Variants in NMUR2 observed in about 807,000 individuals in gnomAD.
NMUR2 encodes the protein neuromedin-U receptor 2.
In NMUR2, 24 loss-of-function variants were observed where a neutral mutation model predicts 25.1. That is an observed-to-expected ratio of 0.96 (90% CI 0.69 to 1.34). The LOEUF (loss-of-function observed/expected upper bound fraction) is 1.34. Ranked by LOEUF, NMUR2 falls within the 40% of genes most tolerant of loss-of-function variation. NMUR2 has a pLI of 0.00. For synonymous variants in NMUR2, 218 were observed against 208.1 expected (o/e 1.05, Z -0.41); for missense variants, 533 against 512.8 (o/e 1.04, Z -0.38).
At chr5:152,402,151 A>G (rs2113102473) in intron 1 of NMUR2, among the ~76,000 whole-genome samples, 1 of 152,244 alleles carries the variant, frequency 6.6e-6, no homozygotes, top group East Asian at 1.9e-4. Flanking sequence ...GAGTACCTAC[A>G]ACAGGAAACA....
At chr5:152,403,649 C>T (rs1319078687) in intron 1 of NMUR2, among the ~76,000 whole-genome samples, 2 of 149,434 alleles carry the variant, frequency 1.3e-5, no homozygotes, top group Non-Finnish European at 3.0e-5. Flanking sequence ...TCTCAATCTG[C>T]ACCTGCTCAA....
At position 152,395,456 on chromosome 5, in the gene NMUR2, T is replaced by C. The variant is rs771904883; in HGVS notation, c.937+3A>G. 3 of 1,613,444 alleles carry C rather than the reference T, an allele frequency of 1.9e-6. No homozygotes were observed. Among genetic ancestry groups the C allele is most frequent in the Admixed American group, 1.7e-5 (1 of 59,962 alleles). ...CATGCACCAAATCCAGCTAAGGTTT[T>C]ACCTGACACCACATGGACGAGGTTG... On this transcript the variant is annotated splice_donor_region_variant and intron_variant, in intron 3 of 3. Transcript: ENST00000255262.
At chr5:152,395,363 G>C in intron 3 of NMUR2, 96 bp downstream of exon 3, 1 of 1,361,842 alleles carries the variant, frequency 7.3e-7, no homozygotes, top group Non-Finnish European at 1.0e-6. Context: ...GCAGATCCCC[G>C]TGATAAATTG....
At chr5:152,401,953 G>A (rs1421853612) in intron 1 of NMUR2, among the ~76,000 whole-genome samples, 2 of 152,144 alleles carry the variant, frequency 1.3e-5, no homozygotes, top group African/African-American at 4.8e-5. Flanking sequence ...GATTGCTTGG[G>A]TCTCCTTGAG....
intron 1 of NMUR2, among the ~76,000 whole-genome samples, chr5:152,399,654 A>G (rs1753221156): frequency 6.6e-6 from 1 of 152,174 alleles, no homozygotes; most frequent in Admixed American, 6.5e-5. Flanking sequence ...AAAGAAACAG[A>G]AATAAAGTTA....
intron 1 of NMUR2, among the ~76,000 whole-genome samples, chr5:152,401,705 A>G (rs1381763443): frequency 6.6e-6 from 1 of 152,142 alleles, no homozygotes; most frequent in Non-Finnish European, 1.5e-5. Context: ...TTGCCCTAGA[A>G]TTGTCTATTT....
chr5:152,400,527 C>A (rs1192192645), intron 1 of NMUR2, among the ~76,000 whole-genome samples: 2 of 151,824 alleles, frequency 1.3e-5, no homozygotes, highest in African/African-American at 4.8e-5. Context: ...TCTAGAAATT[C>A]TTTTCTCATG....
Position 152,405,169 on chromosome 5 carries a change from G to GTA in NMUR2, c.-57_-56insTA. ...CGAGGCTCTGTTTCAAGCTGAGCCA[G>GTA]GAAAAAAAAAAAAAAAAGAAAAAAG... On this transcript the variant is annotated 5_prime_UTR_variant, in exon 1 of 4. Transcript: ENST00000255262. 1 of 1,202,274 alleles carries GTA rather than the reference G, an allele frequency of 8.3e-7. No homozygotes were observed. Among genetic ancestry groups the GTA allele is most frequent in the Non-Finnish European group, 1.1e-6 (1 of 919,344 alleles). 74.5% of individuals were successfully genotyped at this position (1,202,274 alleles called of 1,614,324 possible).
chr5:152,401,836 G>A (rs1162710997), intron 1 of NMUR2, among the ~76,000 whole-genome samples: 2 of 152,150 alleles, frequency 1.3e-5, no homozygotes, highest in East Asian at 3.8e-4. Flanking sequence ...TTCTTCTCTG[G>A]TCCTGTGATT....
At position 152,404,537 on chromosome 5, in the gene NMUR2, G is replaced by T; in HGVS notation, c.577C>A (p.Pro193Thr). The change falls in exon 1 of 4, where the codon CCC becomes ACC. Residue 193 changes from proline to threonine, a missense_variant. Coordinates refer to ENST00000255262, the MANE Select transcript of NMUR2 (RefSeq NM_020167.5). ...GAACCTGGGACCAGGGACCCATTGG[G>T]GAAGTAGTGGAACTTGATGCCATGG... ...SIHGIKFHYF[P>T]NGSLVPGSAT... 1.2e-6 allele frequency: 2 copies of T among 1,614,124 alleles called. No individual in the cohort carries two copies. Among genetic ancestry groups the T allele is most frequent in the Non-Finnish European group, 8.5e-7 (1 of 1,180,022 alleles).
chr5:152,398,564 C>G (rs911734357), intron 1 of NMUR2, among the ~76,000 whole-genome samples: 2 of 152,128 alleles, frequency 1.3e-5, no homozygotes, highest in Non-Finnish European at 2.9e-5. Context: ...AAAACCAAAA[C>G]AGGAATTCTT....
chr5:152,395,676 G>C (rs910884358), intron 2 of NMUR2, 92 bp from the exon 3 acceptor site: 1 of 1,449,890 alleles, frequency 6.9e-7, no homozygotes, highest in African/African-American at 1.4e-5. Flanking sequence ...TCTTCTGGCA[G>C]TTTTTCCCTT....
chr5:152,404,601 C>A lies in NMUR2; in HGVS notation c.513G>T (p.Trp171Cys), dbSNP rs1753318184. The change falls in exon 1 of 4, where the codon TGG becomes TGT. Residue 171 changes from tryptophan to cysteine, a missense_variant. Transcript: ENST00000255262. ...RRALRILGIVWGFSVLFSLPN... is the reference protein window; with the variant it reads ...RRALRILGIVCGFSVLFSLPN... ...GCAGGGAGAAGAGCACGGAGAAGCCCCAGACGATGCCGAGGATCCTGAGGG... is the reference window on the plus strand; with the variant it reads ...GCAGGGAGAAGAGCACGGAGAAGCCACAGACGATGCCGAGGATCCTGAGGG... The A allele has an allele frequency of 1.1e-5, 17 of 1,614,098 alleles. No homozygotes were observed. The highest frequency in any genetic ancestry group is 1.4e-5 in the Non-Finnish European group (16 of 1,180,028).
In NMUR2 at chr5:152,405,150, T is replaced by G; in HGVS notation, c.-37A>C. 1 of 1,520,336 alleles carries G rather than the reference T, an allele frequency of 6.6e-7. No individual in the cohort carries two copies. Among genetic ancestry groups the G allele is most frequent in the Non-Finnish European group, 8.8e-7 (1 of 1,134,980 alleles). The allele number at this position is 1,520,336 out of a possible 1,614,324, so 94.2% of individuals were successfully genotyped here. ...GCCTGAGCCTCCCCTGGTACGAGGC[T>G]CTGTTTCAAGCTGAGCCAGGAAAAA... On this transcript the variant is annotated 5_prime_UTR_variant, in exon 1 of 4. Transcript: ENST00000255262.
At position 152,398,104 on chromosome 5, in the gene NMUR2, GCATTCCCTT is replaced by G; in HGVS notation, c.758_766del (p.Glu253_Asn255del). On this transcript the variant is annotated inframe_deletion, in exon 2 of 4. Transcript: ENST00000255262. ...TTTTCTGCAGGGTCTTTGAATATTT[GCATTCCCTT>G]CATCTGCCTCAAGAGATTTGTCTTT... The G allele has an allele frequency of 6.2e-7, 1 of 1,613,334 alleles. No individual in the cohort carries two copies. The highest frequency in any genetic ancestry group is 8.5e-7 in the Non-Finnish European group (1 of 1,179,518).
At chr5:152,403,171 C>T (rs1753288267) in intron 1 of NMUR2, among the ~76,000 whole-genome samples, 1 of 151,984 alleles carries the variant, frequency 6.6e-6, no homozygotes, top group South Asian at 2.1e-4. Context: ...GAATAATAGA[C>T]TGTTAGAGCT....
rs368042517 is a variant in NMUR2, at chr5:152,404,641, C to T, written c.473G>A (p.Ser158Asn). 1 of 1,614,132 alleles carries T rather than the reference C, an allele frequency of 6.2e-7. No individual in the cohort carries two copies. The highest frequency in any genetic ancestry group is 1.1e-5 in the South Asian group (1 of 91,082). Residue 158 changes from serine (S) to asparagine (N), a missense_variant, in exon 1 of 4, where the codon AGC becomes AAC. By Grantham distance (46) the Ser-to-Asn change is conservative. Transcript: ENST00000255262. ...ILHPFRAKLQ[S>N]TRRRALRILG... ...GATCCTGAGGGCCCGGCGCCGGGTG[C>T]TCTGCAGTTTGGCGCGGAACGGGTG...
At chr5:152,397,440 T>C (rs997226512) in intron 2 of NMUR2, among the ~76,000 whole-genome samples, 1 of 152,152 alleles carries the variant, frequency 6.6e-6, no homozygotes, top group Admixed American at 6.5e-5. Context: ...TGAAACAAAG[T>C]TATACAATGT....
chr5:152,402,746 C>T (rs769917320), intron 1 of NMUR2, among the ~76,000 whole-genome samples: 7 of 152,128 alleles, frequency 4.6e-5, no homozygotes, highest in Non-Finnish European at 1.0e-4. Flanking sequence ...GAAGTCTTTT[C>T]CCCGCAGTGA....
Sources: gnomAD v4.1 joint callset for allele counts (sites outside exome capture counted in the v4.1 genomes callset) on GRCh38, gnomAD v4.1.1 for gene constraint, MANE v1.5 for transcripts, NCBI Gene and HGNC (gene_info 2026-07-23, HGNC 2026-07-21) for gene names.